The following GRAMD1B variants were observed in gnomAD, a reference collection of about 807,000 sequenced individuals.
GRAMD1B encodes GRAM domain containing 1B.
In GRAMD1B, 37 loss-of-function variants were observed where a neutral mutation model predicts 99.7. That is an observed-to-expected ratio of 0.37 (90% CI 0.29 to 0.49). GRAMD1B has a LOEUF of 0.49. Ranked by LOEUF, GRAMD1B falls within the 20% of genes least tolerant of loss-of-function variation. The pLI, the probability that GRAMD1B is intolerant of heterozygous loss-of-function variation, is 0.98. For synonymous variants in GRAMD1B, 427 were observed against 387.6 expected (o/e 1.10, Z -1.19); for missense variants, 888 against 1,009.2 (o/e 0.88, Z 1.63).
chr11:123,465,457 G>A (rs2134560105), intron 1 of GRAMD1B, among the ~76,000 whole-genome samples: 1 of 152,288 alleles, frequency 6.6e-6, no homozygotes, highest in Middle Eastern at 3.4e-3. Context: ...AATGGTAGTT[G>A]TGTGTCTTTC....
chr11:123,430,455 C>A lies in GRAMD1B; in HGVS notation c.-338C>A. The A allele has an allele frequency of 9.7e-6, 3 of 310,482 alleles. No homozygotes were observed. Among genetic ancestry groups the A allele is most frequent in the Non-Finnish European group, 1.8e-5 (3 of 169,504 alleles). 19.2% of individuals were successfully genotyped at this position (310,482 alleles called of 1,614,324 possible). On this transcript the variant is annotated 5_prime_UTR_variant, in exon 1 of 20. Coordinates refer to ENST00000635736, the MANE Select transcript of GRAMD1B (RefSeq NM_001387025.1). ...CCGCTAAGGCAAAGACGCCAGCAAG[C>A]GAGGAAGCGCAGCGGAAGAAAAACA...
chr11:123,371,706 G>T (rs576210425), intron 1 of GRAMD1B, among the ~76,000 whole-genome samples: 136 of 152,288 alleles, frequency 8.9e-4, no homozygotes, highest in African/African-American at 3.1e-3. Context: ...ACCTGCTGAG[G>T]CAGACAAAGG....
intron 1 of GRAMD1B, among the ~76,000 whole-genome samples, chr11:123,461,083 G>A (rs11219150): frequency 1.3e-5 from 2 of 152,118 alleles, no homozygotes; most frequent in Non-Finnish European, 2.9e-5. Context: ...TAGCCAGTTG[G>A]GAAGCCATAG....
chr11:123,480,029 G>T (rs1237598862), intron 1 of GRAMD1B, among the ~76,000 whole-genome samples: 1 of 152,072 alleles, frequency 6.6e-6, no homozygotes, highest in East Asian at 1.9e-4. Context: ...TAATAAAAAT[G>T]ATTTGTTCAT....
At chr11:123,477,780 T>C (rs1161273887) in intron 1 of GRAMD1B, among the ~76,000 whole-genome samples, 3 of 90,764 alleles carry the variant, frequency 3.3e-5, no homozygotes, top group African/African-American at 7.1e-5. Context: ...TTTTCTTCTC[T>C]TTTTTTGTTT....
chr11:123,486,862 G>A (rs1044876897), intron 2 of GRAMD1B, among the ~76,000 whole-genome samples: 2 of 152,166 alleles, frequency 1.3e-5, no homozygotes, highest in African/African-American at 2.4e-5. Context: ...TTTGAGGCCC[G>A]GAGTCTGAGA....
intron 2 of GRAMD1B, among the ~76,000 whole-genome samples, chr11:123,508,212 A>ATCTGGAGAAGGCC (rs1156258126): frequency 1.2e-4 from 18 of 152,356 alleles, no homozygotes; most frequent in Middle Eastern, 3.4e-3. Context: ...TAACACCAGC[A>ATCTGGAGAAGGCC]TCTGGAGAAG....
chr11:123,467,153 T>C (rs547271184), intron 1 of GRAMD1B, among the ~76,000 whole-genome samples: 30 of 152,282 alleles, frequency 2.0e-4, no homozygotes, highest in African/African-American at 7.2e-4. Flanking sequence ...TCATGATCTG[T>C]ATTCACGAGA....
chr11:123,450,060 G>A (rs1156887434), intron 1 of GRAMD1B, among the ~76,000 whole-genome samples: 2 of 152,076 alleles, frequency 1.3e-5, no homozygotes, highest in African/African-American at 2.4e-5. Flanking sequence ...CTATTCAGGG[G>A]AGCCAAACTT....
Position 123,622,582 on chromosome 11 carries a change from A to G in GRAMD1B, c.2621A>G (p.Asn874Ser), listed in dbSNP as rs545662974. The G allele has an allele frequency of 3.9e-6, 6 of 1,549,058 alleles. No individual in the cohort carries two copies. In the African/African-American group the frequency reaches 4.1e-5, roughly 11 times the overall value. The stretch of plus-strand genomic sequence containing the variant: ...ACGTCGGAAAGTGAAGAAAAGAGGA[A>G]TCGCTATCATTGACAAGGCAGGAAC... ...DYTSESEEKR[N>S]RYH is the part of the protein sequence containing the mutation. Residue 874 changes from asparagine (N) to serine (S), a missense_variant, in exon 20 of 20, where the codon AAT becomes AGT. Asn to Ser is a conservative substitution (Grantham distance 46, BLOSUM62 1). Around this residue, in one of 5 missense-constraint regions of GRAMD1B, gnomAD observed 232 missense variants for 261.7 expected, o/e 0.89. Transcript: ENST00000635736.
chr11:123,381,619 T>C (rs1946876092), intron 1 of GRAMD1B: 1 of 152,390 alleles, frequency 6.6e-6, no homozygotes, highest in Non-Finnish European at 1.5e-5. Flanking sequence ...GAGGTTCTAA[T>C]ATATAGGTTG....
chr11:123,446,557 G>A (rs746737235), intron 1 of GRAMD1B, among the ~76,000 whole-genome samples: 3 of 152,126 alleles, frequency 2.0e-5, no homozygotes, highest in East Asian at 1.9e-4. Context: ...GAGGACAGTC[G>A]CCTGCCCATT....
chr11:123,586,582 G>C (rs1330386373), intron 4 of GRAMD1B, among the ~76,000 whole-genome samples: 1 of 152,216 alleles, frequency 6.6e-6, no homozygotes, highest in Non-Finnish European at 1.5e-5. Context: ...TCAGTGTGCA[G>C]TGCTCATGTC....
intron 1 of GRAMD1B, among the ~76,000 whole-genome samples, chr11:123,365,727 T>C (rs1324910356): frequency 6.6e-6 from 1 of 152,170 alleles, no homozygotes; most frequent in Non-Finnish European, 1.5e-5. Flanking sequence ...AACAGAGAAA[T>C]AGCCTATATC....
intron 3 of GRAMD1B, among the ~76,000 whole-genome samples, chr11:123,580,990 C>T (rs12295337): frequency 6.7e-6 from 1 of 148,294 alleles, no homozygotes; most frequent in African/African-American, 2.5e-5. Flanking sequence ...TTTTTTATTT[C>T]TAACTCCTAC....
chr11:123,416,552 C>G (rs1948238396), intron 1 of GRAMD1B, among the ~76,000 whole-genome samples: 1 of 152,178 alleles, frequency 6.6e-6, no homozygotes, highest in African/African-American at 2.4e-5. Flanking sequence ...AGTCTTTATT[C>G]ATGTTTTTCT....
At chr11:123,583,264 CGCA>C (rs1949624074) in intron 3 of GRAMD1B, among the ~76,000 whole-genome samples, 1 of 138,164 alleles carries the variant, frequency 7.2e-6, no homozygotes, top group East Asian at 2.1e-4. Flanking sequence ...TGTGCACATG[CGCA>C]TGTGTGTGTG....
chr11:123,461,970 T>TC (rs1470139211), intron 1 of GRAMD1B, among the ~76,000 whole-genome samples: 1 of 140,144 alleles, frequency 7.1e-6, no homozygotes, highest in South Asian at 2.2e-4. Flanking sequence ...TTTATTTCTT[T>TC]TTTTTTTTTT....
chr11:123,565,282 TCCCACCTCGGCC>T (rs1358109576), intron 2 of GRAMD1B, among the ~76,000 whole-genome samples: 1 of 151,690 alleles, frequency 6.6e-6, no homozygotes, highest in Non-Finnish European at 1.5e-5. Flanking sequence ...CAAGCAATCT[TCCCACCTCGGCC>T]TCCCGAAGTG....
Sources: allele counts gnomAD v4.1 joint callset (sites outside exome capture counted in the v4.1 genomes callset), GRCh38; gene constraint gnomAD v4.1.1; regional missense constraint gnomAD v4.1.1; transcripts MANE v1.5; gene names NCBI Gene and HGNC (gene_info 2026-07-23, HGNC 2026-07-21).